LCLAT1: variants seen among roughly 807,000 people sequenced by gnomAD.
LCLAT1 encodes the protein lysocardiolipin acyltransferase 1, also known as 1-AGP acyltransferase 8.
A neutral mutation model predicts 30.7 loss-of-function variants in LCLAT1; 11 were observed. The ratio of observed to expected loss-of-function variants is 0.36; its 90% confidence interval spans 0.23 to 0.59. The LOEUF is 0.59. LCLAT1 is among the 20% of genes least tolerant of loss of function. The probability of loss-of-function intolerance (pLI) is 0.77; values close to 1 mark genes in which losing one functional copy is unlikely to be tolerated. For missense variants in LCLAT1, 402 were observed against 458.6 expected, an observed-to-expected ratio of 0.88 and a Z score of 1.13; for synonymous variants, 155 against 151.3, an observed-to-expected ratio of 1.02 and a Z score of -0.18.
Position 30,608,772 on chromosome 2 carries a change from T to C in LCLAT1, c.629-31345T>C, listed in dbSNP as rs572506187. On this transcript the variant is annotated intron_variant, in intron 5 of 5. Transcript: ENST00000379509. ...CTATGATGTTCCCATGACAAAAAAA[T>C]TGCCTAAAGACACATCTCTCAGAAC... Among the ~76,000 whole-genome samples, 4 of 152,144 alleles carry C rather than the reference T, an allele frequency of 2.6e-5. No homozygotes were observed. The East Asian group carries it at 7.7e-4, about 29-fold the overall frequency.
rs367765834 is a variant in LCLAT1 at position 30,497,607 on chromosome 2, G to A, written c.-4-27980G>A. On this transcript the variant is annotated intron_variant, in intron 1 of 5. Transcript: ENST00000379509. Reference sequence around the variant, plus strand: ...ATTCACTTTTGGACTTAATGCTTTTGCTTAAGTTTAGTGACTAGATTTCTC... The same window carrying A: ...ATTCACTTTTGGACTTAATGCTTTTACTTAAGTTTAGTGACTAGATTTCTC... 5.3e-5 allele frequency among the ~76,000 whole-genome samples: 8 copies of A among 152,110 alleles called. No individual in the cohort carries two copies. The South Asian group carries it at 1.7e-3, about 32-fold the overall frequency.
chr2:30,615,623 C>G (rs757141861), intron 5 of LCLAT1, among the ~76,000 whole-genome samples: 6 of 152,114 alleles, frequency 3.9e-5, no homozygotes, highest in Non-Finnish European at 5.9e-5. Context: ...AAACTTGTGC[C>G]TAATAGGCTC....
chr2:30,471,928 T>C (rs1360766434), intron 1 of LCLAT1, among the ~76,000 whole-genome samples: 1 of 152,226 alleles, frequency 6.6e-6, no homozygotes, highest in Non-Finnish European at 1.5e-5. Flanking sequence ...GCAATCATCC[T>C]TGTCTTATTC....
intron 1 of LCLAT1, among the ~76,000 whole-genome samples, chr2:30,503,557 T>C (rs1684500262): frequency 1.3e-5 from 2 of 152,206 alleles, no homozygotes; most frequent in African/African-American, 2.4e-5. Context: ...AGAGTTCCAC[T>C]TAGCATGGGT....
At chr2:30,561,025 T>C (rs961835017) in intron 3 of LCLAT1, among the ~76,000 whole-genome samples, 4 of 91,990 alleles carry the variant, frequency 4.3e-5, no homozygotes, top group Non-Finnish European at 8.2e-5. Context: ...TACTGCAACC[T>C]CTGCCCCCCG....
intron 5 of LCLAT1, among the ~76,000 whole-genome samples, chr2:30,597,760 G>C (rs186734626): frequency 7.9e-5 from 12 of 152,170 alleles, no homozygotes; most frequent in Admixed American, 7.9e-4. Context: ...TGCCCATTCA[G>C]TGTAATCCTG....
chr2:30,640,038 G>C, intron 5 of LCLAT1, 79 bp from the exon 6 acceptor site: 1 of 1,178,212 alleles, frequency 8.5e-7, no homozygotes, highest in African/African-American at 1.5e-5. Context: ...GGTTTCTGGT[G>C]CTGCCCTGCA....
chr2:30,589,626 CTAA>C (rs1435501666), intron 5 of LCLAT1, among the ~76,000 whole-genome samples: 1 of 152,138 alleles, frequency 6.6e-6, no homozygotes, highest in Non-Finnish European at 1.5e-5. Context: ...TCTTTAAGCA[CTAA>C]TGTTATTGGA....
intron 3 of LCLAT1, among the ~76,000 whole-genome samples, chr2:30,555,844 T>TC (rs1319429224): frequency 2.0e-5 from 3 of 150,102 alleles, no homozygotes; most frequent in Admixed American, 6.6e-5. Context: ...TTTTTCTTTT[T>TC]TTTTTTTTTT....
chr2:30,494,714 G>A (rs1233095593), intron 1 of LCLAT1, among the ~76,000 whole-genome samples: 1 of 150,774 alleles, frequency 6.6e-6, no homozygotes, highest in African/African-American at 2.4e-5. Flanking sequence ...TTGGAATCTT[G>A]GCTTGCTCAA....
chr2:30,596,995 G>GGTCT (rs750022767), intron 5 of LCLAT1, among the ~76,000 whole-genome samples: 35 of 127,276 alleles, frequency 2.7e-4, no homozygotes, highest in Non-Finnish European at 4.9e-4. Context: ...CTGTTCCATT[G>GGTCT]GTCTATGTGT....
intron 1 of LCLAT1, among the ~76,000 whole-genome samples, chr2:30,457,833 AT>A (rs1309884553): frequency 6.6e-6 from 1 of 152,088 alleles, no homozygotes; most frequent in African/African-American, 2.4e-5. Flanking sequence ...ACGGAATTTT[AT>A]TTTTTAACCT....
At position 30,643,836 on chromosome 2, in the gene LCLAT1, C is replaced by CT. The variant is rs914266228; in HGVS notation, c.*3222dup. The stretch of plus-strand genomic sequence containing the variant: ...GTAGTGTGTTTCTTAGGTAAAGTCT[C>CT]TTTTTGCTACTGAAAGGGAAATGGT... On this transcript the variant is annotated 3_prime_UTR_variant, in exon 6 of 6. Coordinates refer to ENST00000379509, the MANE Select transcript of LCLAT1 (RefSeq NM_001002257.3). 3.9e-5 allele frequency: 6 copies of CT among 152,612 alleles called. No homozygotes were observed. The highest frequency in any genetic ancestry group is 1.2e-4 in the African/African-American group (5 of 41,438). The allele number at this position is 152,612 out of a possible 1,614,324, so 9.5% of individuals were successfully genotyped here. A position where few individuals can be genotyped will look rare whatever the true frequency, so the allele number is the denominator to read the frequency against.
chr2:30,568,721 A>T (rs1291079758), intron 5 of LCLAT1, among the ~76,000 whole-genome samples: 1 of 151,122 alleles, frequency 6.6e-6, no homozygotes, highest in African/African-American at 2.4e-5. Flanking sequence ...GTTAGCCGGG[A>T]TGGTCTCGAT....
chr2:30,505,528 CA>C (rs890149602), intron 1 of LCLAT1, among the ~76,000 whole-genome samples: 3 of 151,996 alleles, frequency 2.0e-5, no homozygotes, highest in African/African-American at 7.2e-5. Context: ...ATGCATGTAA[CA>C]TTTTTGGGTG....
At chr2:30,619,211 A>G (rs1052972062) in intron 5 of LCLAT1, among the ~76,000 whole-genome samples, 2 of 152,218 alleles carry the variant, frequency 1.3e-5, no homozygotes, top group East Asian at 1.9e-4. Context: ...GTATCTTTAT[A>G]TACTACTTAT....
At chr2:30,631,572 A>G (rs1668773941) in intron 5 of LCLAT1, among the ~76,000 whole-genome samples, 1 of 152,246 alleles carries the variant, frequency 6.6e-6, no homozygotes, top group African/African-American at 2.4e-5. Flanking sequence ...AGATGTTGCC[A>G]GATCCAGTAG....
intron 1 of LCLAT1, chr2:30,476,446 C>T (rs1258975333): frequency 2.2e-6 from 1 of 456,580 alleles, no homozygotes; most frequent in African/African-American, 2.0e-5. Context: ...CACCTCTGCT[C>T]AGATCCGCCA....
chr2:30,451,545 A>T (rs576083475), intron 1 of LCLAT1, among the ~76,000 whole-genome samples: 2 of 152,342 alleles, frequency 1.3e-5, no homozygotes, highest in Admixed American at 6.5e-5. Context: ...TATGTTTATA[A>T]GATGAAACAC....
Sources: allele counts gnomAD v4.1 joint callset (sites outside exome capture counted in the v4.1 genomes callset), GRCh38; gene constraint gnomAD v4.1.1; transcripts MANE v1.5; gene names NCBI Gene and HGNC (gene_info 2026-07-23, HGNC 2026-07-21).